The following SPTA1 variants were observed in gnomAD, a reference collection of about 807,000 sequenced individuals.
The protein encoded by SPTA1 is spectrin alpha chain, erythrocytic 1.
In SPTA1, 177 loss-of-function variants were observed where a neutral mutation model predicts 324.7. The observed-to-expected ratio is 0.55, with a 90% CI of 0.48 to 0.62. SPTA1 has a LOEUF of 0.62. Ranked by LOEUF, SPTA1 falls within the 20% of genes least tolerant of loss-of-function variation. The pLI, the probability that SPTA1 is intolerant of heterozygous loss-of-function variation, is 0.00. For missense variants in SPTA1, 3,162 were observed against 2,883.6 expected (o/e 1.10, Z -2.21); for synonymous variants, 1,195 against 1,041.3 (o/e 1.15, Z -2.84).
At chr1:158,612,618 A>G in intron 51 of SPTA1, 199 bp downstream of exon 51, 2 of 604,748 alleles carry the variant, frequency 3.3e-6, no homozygotes, top group South Asian at 3.8e-5. Flanking sequence ...TCTCACATTC[A>G]ATAGAGTACC....
At chr1:158,664,789 T>C (rs1426666439) in intron 16 of SPTA1, among the ~76,000 whole-genome samples, 3 of 152,200 alleles carry the variant, frequency 2.0e-5, no homozygotes, top group South Asian at 4.1e-4. Context: ...TTTTCAAACA[T>C]AATCATTATC....
At chr1:158,630,072 C>T (rs1261693256) in intron 39 of SPTA1, among the ~76,000 whole-genome samples, 3 of 151,882 alleles carry the variant, frequency 2.0e-5, no homozygotes, top group Non-Finnish European at 4.4e-5. Flanking sequence ...GTGAATACTA[C>T]CCAAAGTGAT....
rs1345384278 is a variant in SPTA1 at position 158,659,595 on chromosome 1, A to ATTATTTTTTTTTTTTTTTTTTTT, written c.2587+1691_2587+1692insAAAAAAAAAAAAAAAAAAAATAA. Among the ~76,000 whole-genome samples the ATTATTTTTTTTTTTTTTTTTTTT allele has an allele frequency of 8.7e-5, 6 of 68,780 alleles. 1 individual carries two copies. Among genetic ancestry groups the ATTATTTTTTTTTTTTTTTTTTTT allele is most frequent in the Non-Finnish European group, 2.0e-4 (6 of 30,036 alleles). The allele number at this position is 68,780 out of a possible 152,430, so 45.1% of individuals were successfully genotyped here. ...AAAAGAAAATAATAGTCTTAGCATTATTTTTTTTTTTTTTTTTTTTTTTTT... is the reference window on the plus strand; with the variant it reads ...AAAAGAAAATAATAGTCTTAGCATTATTATTTTTTTTTTTTTTTTTTTTTTTTTTTTTTTTTTTTTTTTTTTTT... On this transcript the variant is annotated intron_variant, in intron 18 of 51. Transcript: ENST00000643759.
intron 3 of SPTA1, among the ~76,000 whole-genome samples, chr1:158,682,395 C>G (rs188417394): frequency 1.9e-3 from 285 of 152,272 alleles, no homozygotes; most frequent in African/African-American, 6.4e-3. Flanking sequence ...ATGTTTCAAA[C>G]ATTTCTCAAA....
chr1:158,652,776 G>T, intron 22 of SPTA1, 123 bp from the exon 23 acceptor site: 4 of 1,131,904 alleles, frequency 3.5e-6, no homozygotes, highest in Non-Finnish European at 3.8e-6. Flanking sequence ...AAAAGCAAAA[G>T]AATAGTAGAA....
At chr1:158,616,258 CA>C (rs1649551128) in intron 47 of SPTA1, among the ~76,000 whole-genome samples, 1 of 152,046 alleles carries the variant, frequency 6.6e-6, no homozygotes, top group East Asian at 1.9e-4. Context: ...TAGAAACATT[CA>C]AAGTATTTTC....
intron 5 of SPTA1, among the ~76,000 whole-genome samples, chr1:158,679,592 C>G (rs1395703327): frequency 2.0e-5 from 3 of 152,066 alleles, no homozygotes; most frequent in Admixed American, 6.6e-5. Context: ...ATCATCCTCA[C>G]CAGGGCCCTA....
At chr1:158,611,481 A>G in intron 51 of SPTA1, 92 bp from the exon 52 acceptor site, 1 of 1,487,878 alleles carries the variant, frequency 6.7e-7, no homozygotes, top group Non-Finnish European at 9.3e-7. Context: ...AATGCAGGAG[A>G]TGGAGAGTCT....
In SPTA1 at chr1:158,642,920, G is replaced by A. The variant is rs1284540208; in HGVS notation, c.4499C>T (p.Ala1500Val). The A allele has an allele frequency of 6.2e-7, 1 of 1,613,544 alleles. No homozygotes were observed. The highest frequency in any genetic ancestry group is 8.5e-7 in the Non-Finnish European group (1 of 1,179,802). The change falls in exon 32 of 52, where the codon GCC becomes GTC. Residue 1500 changes from alanine to valine, a missense_variant. By Grantham distance (64) the Ala-to-Val change is moderately conservative (BLOSUM62 0). Transcript: ENST00000643759. ...IDERTKLGDY[A>V]NLKQFYRDLE... The stretch of plus-strand genomic sequence containing the variant: ...GTCTCGGTAGAATTGTTTTAGGTTG[G>A]CATAGTCTCCAAGCTTTGTCCGCTC...
intron 22 of SPTA1, 79 bp from the exon 23 acceptor site, chr1:158,652,732 A>G: frequency 1.3e-6 from 2 of 1,503,630 alleles, no homozygotes; most frequent in Non-Finnish European, 1.8e-6. Context: ...AAACATAGAG[A>G]AAGAAGGAAC....
chr1:158,643,807 G>A (rs1651792263), intron 30 of SPTA1, among the ~76,000 whole-genome samples: 1 of 152,112 alleles, frequency 6.6e-6, no homozygotes, highest in Admixed American at 6.6e-5. Flanking sequence ...CAAGTGTCAA[G>A]CTGCCCTGCC....
At chr1:158,676,726 C>T (rs756873947) in intron 7 of SPTA1, among the ~76,000 whole-genome samples, 17 of 152,062 alleles carry the variant, frequency 1.1e-4, no homozygotes, top group Non-Finnish European at 1.9e-4. Flanking sequence ...ACATTTCTGT[C>T]CACAAGGCCA....
intron 12 of SPTA1, among the ~76,000 whole-genome samples, chr1:158,670,776 T>C (rs775713742): frequency 2.0e-5 from 3 of 151,966 alleles, no homozygotes; most frequent in African/African-American, 4.8e-5. Flanking sequence ...AAAGATATAC[T>C]ATAAAGGAAA....
rs759206549 is a variant in SPTA1 at position 158,623,105 on chromosome 1, G to C, written c.5998C>G (p.His2000Asp). ...TCTTCAATGGCTTTAGACTGGTTGTGTTGAGCAGAAATCAGTTTGTCCTTC... is the reference window on the plus strand; with the variant it reads ...TCTTCAATGGCTTTAGACTGGTTGTCTTGAGCAGAAATCAGTTTGTCCTTC... ...DLKDKLISAQHNQSKAIEERY... is the reference protein window; with the variant it reads ...DLKDKLISAQDNQSKAIEERY... Residue 2000 changes from histidine to aspartate, a missense_variant, in exon 43 of 52, where the codon CAC (histidine) becomes GAC (aspartate). Physicochemically the swap from His to Asp is moderately conservative, Grantham distance 81 (BLOSUM62 -1). Coordinates refer to ENST00000643759, the MANE Select transcript of SPTA1 (RefSeq NM_003126.4). The C allele has an allele frequency of 6.2e-7, 1 of 1,614,190 alleles. No individual in the cohort carries two copies. Among genetic ancestry groups the C allele is most frequent in the Non-Finnish European group, 8.5e-7 (1 of 1,180,028 alleles).
At position 158,640,000 on chromosome 1, in the gene SPTA1, A is replaced by G. The variant is rs1651421610; in HGVS notation, c.4745T>C (p.Leu1582Pro). The change falls in exon 34 of 52, where the codon CTG (leucine) becomes CCG (proline). Residue 1582 changes from leucine to proline, a missense_variant. Coordinates refer to ENST00000643759, the MANE Select transcript of SPTA1 (RefSeq NM_003126.4). ...ATCCCAATGTTCCTTCAGCTGTTCC[A>G]GTTGCTCCTAACCCAAGGAGAGTGA... ...DGNEEAMKEQ[L>P]EQLKEHWDHL... 1.2e-6 allele frequency: 2 copies of G among 1,613,786 alleles called. No homozygotes were observed.
rs374182580 is a variant in SPTA1 at position 158,679,013 on chromosome 1, A to G, written c.679-479T>C. ...GAATTATAGACACGTGCTTTCACGT[A>G]TGATTTTGCATAAAATTTCAGGCAT... On this transcript the variant is annotated intron_variant, in intron 5 of 51. Coordinates refer to ENST00000643759, the MANE Select transcript of SPTA1 (RefSeq NM_003126.4). 9.8e-5 allele frequency among the ~76,000 whole-genome samples: 15 copies of G among 152,300 alleles called. No individual in the cohort carries two copies. The South Asian group carries it at 3.1e-3, about 32-fold the overall frequency.
intron 24 of SPTA1, 138 bp downstream of exon 24, chr1:158,651,229 C>T (rs1652406187): frequency 1.4e-6 from 1 of 705,940 alleles, no homozygotes; most frequent in East Asian, 2.5e-5. Flanking sequence ...TTGGCCTTTC[C>T]TGTAGCTAAT....
intron 42 of SPTA1, among the ~76,000 whole-genome samples, chr1:158,625,155 A>G (rs1480133504): frequency 6.6e-6 from 1 of 152,232 alleles, no homozygotes; most frequent in South Asian, 2.1e-4. Flanking sequence ...CAAAATATGG[A>G]GATAAAAATG....
intron 33 of SPTA1, among the ~76,000 whole-genome samples, chr1:158,640,633 A>T (rs1334800312): frequency 2.0e-5 from 3 of 152,190 alleles, no homozygotes; most frequent in Non-Finnish European, 2.9e-5. Flanking sequence ...GACCTCTTCA[A>T]GGAGAACTAC....
Sources: allele counts gnomAD v4.1 joint callset (sites outside exome capture counted in the v4.1 genomes callset), GRCh38; gene constraint gnomAD v4.1.1; transcripts MANE v1.5; gene names NCBI Gene and HGNC (gene_info 2026-07-23, HGNC 2026-07-21).